SDR42E1: variants seen among roughly 807,000 people sequenced by gnomAD.
SDR42E1 encodes short-chain dehydrogenase/reductase family 42E member 1.
Under a neutral mutation model 2.6 loss-of-function variants are expected in SDR42E1, and 5 were observed. The observed-to-expected ratio is 1.94, with a 90% CI of 1.01 to 4.08. The LOEUF (loss-of-function observed/expected upper bound fraction) is 4.08, where lower values mean the gene tolerates loss of function less well. SDR42E1 is among the 30% of genes most tolerant of loss of function. The probability of loss-of-function intolerance (pLI) is 0.00; values close to 1 mark genes in which losing one functional copy is unlikely to be tolerated. For synonymous variants in SDR42E1, 231 were observed against 188.3 expected (o/e 1.23, Z -1.86); for missense variants, 596 against 478.6 (o/e 1.25, Z -2.29).
chr16:82,008,659 G>A (rs576501619), intron 1 of SDR42E1, among the ~76,000 whole-genome samples: 2 of 152,304 alleles, frequency 1.3e-5, no homozygotes, highest in South Asian at 4.1e-4. Flanking sequence ...TTTCTAAGCT[G>A]CAAAGCATTC....
rs1201142113 is a variant in SDR42E1 at position 82,008,141 on chromosome 16, G to A, written c.-27+3246C>T. Among the ~76,000 whole-genome samples the A allele has an allele frequency of 6.6e-5, 10 of 152,160 alleles. No homozygotes were observed. In the South Asian group the frequency reaches 1.0e-3, roughly 16 times the overall value. ...TCTCTTGCCAGCCACCATGTAAGAC[G>A]TGACTTTGCTCTTCCTTTGCCTTCT... On this transcript the variant is annotated intron_variant, in intron 1 of 2. Transcript: ENST00000328945.
intron 1 of SDR42E1, among the ~76,000 whole-genome samples, chr16:82,004,619 G>A (rs1472068836): frequency 6.6e-6 from 1 of 152,204 alleles, no homozygotes; most frequent in Non-Finnish European, 1.5e-5. Context: ...TCCTACCTCA[G>A]CATCCTGAGT....
Position 81,999,503 on chromosome 16 carries a change from C to A in SDR42E1, c.790G>T (p.Glu264Ter). Residue 264 changes from glutamate to a stop codon, truncating the protein, a stop_gained, in exon 3 of 3, where the codon GAG (glutamate) becomes TAG (stop). Transcript: ENST00000328945. LOFTEE classifies it low-confidence loss of function (END_TRUNC). ...CCCTCAACCAGAGGCCGGAAGAACT[C>A]AAAGTTGTTCACGGGTCTGCCATCT... ...ISDGRPVNNF[E>*]FFRPLVEGLG... 6.2e-7 allele frequency: 1 copy of A among 1,614,152 alleles called. No individual in the cohort carries two copies. Among genetic ancestry groups the A allele is most frequent in the Non-Finnish European group, 8.5e-7 (1 of 1,180,022 alleles).
At position 81,998,676 on chromosome 16, in the gene SDR42E1, G is replaced by A. The variant is rs1311058960; in HGVS notation, c.*435C>T. 2 of 173,688 alleles carry A rather than the reference G, an allele frequency of 1.2e-5. No homozygotes were observed. The highest frequency in any genetic ancestry group is 5.6e-5 in the Admixed American group (1 of 17,864). 10.8% of individuals were successfully genotyped at this position (173,688 alleles called of 1,614,324 possible). On this transcript the variant is annotated 3_prime_UTR_variant, in exon 3 of 3. Transcript: ENST00000328945. ...TCGAGGATTGCTCTGTTAGGGATCT[G>A]GGCCAATTTGGTGTTTTTCACACGC... is the stretch of plus-strand genomic sequence containing the variant.
In SDR42E1 at chr16:82,000,699, A is replaced by G. The variant is rs1015358291; in HGVS notation, c.68+92T>C. On this transcript the variant is annotated intron_variant, in intron 2 of 2. Transcript: ENST00000328945. ...TCATTTCTGGTTTGACATTACACAA[A>G]CAAGTAAAAGTCTGCTCTGCTGTCA... The G allele has an allele frequency of 8.6e-6, 8 of 933,426 alleles. No individual in the cohort carries two copies. The African/African-American group carries it at 1.0e-4, about 12-fold the overall frequency. The allele number at this position is 933,426 out of a possible 1,614,324, so 57.8% of individuals were successfully genotyped here.
chr16:82,005,003 A>G (rs1912888835), intron 1 of SDR42E1, among the ~76,000 whole-genome samples: 1 of 152,288 alleles, frequency 6.6e-6, no homozygotes, highest in South Asian at 2.1e-4. Context: ...ACAGGATGTC[A>G]GATAACAATT....
Position 81,994,853 on chromosome 16 carries a change from T to C in SDR42E1, c.*4258A>G, listed in dbSNP as rs1315523894. 1 of 152,342 alleles carries C rather than the reference T, an allele frequency of 6.6e-6. No homozygotes were observed. Among genetic ancestry groups the C allele is most frequent in the East Asian group, 1.9e-4 (1 of 5,184 alleles). 9.4% of individuals were successfully genotyped at this position (152,342 alleles called of 1,614,324 possible). ...CAACACTTGCCTCTTTTATACACCA[T>C]GTTAGATGGTTGAGGAAAATAAAAC... is the stretch of plus-strand genomic sequence containing the variant. On this transcript the variant is annotated 3_prime_UTR_variant, in exon 3 of 3. Coordinates refer to ENST00000328945, the MANE Select transcript of SDR42E1 (RefSeq NM_145168.3).
chr16:82,007,140 A>G (rs570165968), intron 1 of SDR42E1, among the ~76,000 whole-genome samples: 1 of 152,364 alleles, frequency 6.6e-6, no homozygotes, highest in African/African-American at 2.4e-5. Flanking sequence ...CAGACTGGCA[A>G]TATCTATAGG....
Position 82,000,228 on chromosome 16 carries a change from A to C in SDR42E1, c.69-4T>G. On this transcript the variant is annotated splice_polypyrimidine_tract_variant and splice_region_variant and intron_variant, in intron 2 of 2. Coordinates refer to ENST00000328945, the MANE Select transcript of SDR42E1 (RefSeq NM_145168.3). ...TTGGTTCAGGGCACAGCCCAGGCTG[A>C]AATAAGAAACAGTAAACGTTGAATC... 1 of 1,603,632 alleles carries C rather than the reference A, an allele frequency of 6.2e-7. No individual in the cohort carries two copies. The highest frequency in any genetic ancestry group is 8.5e-7 in the Non-Finnish European group (1 of 1,177,304).
At chr16:82,004,934 G>A (rs1912886932) in intron 1 of SDR42E1, among the ~76,000 whole-genome samples, 1 of 152,210 alleles carries the variant, frequency 6.6e-6, no homozygotes, top group Non-Finnish European at 1.5e-5. Context: ...GGAAGATGAT[G>A]TCATTAATTG....
Position 81,997,353 on chromosome 16 carries a change from G to A in SDR42E1, c.*1758C>T, listed in dbSNP as rs1308896809. 7 of 152,226 alleles carry A rather than the reference G, an allele frequency of 4.6e-5. No homozygotes were observed. Among genetic ancestry groups the A allele is most frequent in the Admixed American group, 2.6e-4 (4 of 15,296 alleles). 9.4% of individuals were successfully genotyped at this position (152,226 alleles called of 1,614,324 possible). On this transcript the variant is annotated 3_prime_UTR_variant, in exon 3 of 3. Transcript: ENST00000328945. ...TCGCCTTTGACCATCTCCCTCTTCT[G>A]GTATAATACGGAAATACCTTTGTGT... is the stretch of plus-strand genomic sequence containing the variant.
chr16:82,007,795 G>A (rs894836312), intron 1 of SDR42E1: 1 of 152,122 alleles, frequency 6.6e-6, no homozygotes, highest in Admixed American at 6.5e-5. Flanking sequence ...TGGAAATCTG[G>A]GCATTAGACT....
At chr16:82,005,471 C>T (rs1291799623) in intron 1 of SDR42E1, among the ~76,000 whole-genome samples, 1 of 152,230 alleles carries the variant, frequency 6.6e-6, no homozygotes, top group Non-Finnish European at 1.5e-5. Flanking sequence ...CTCCTCCCTT[C>T]CTGATCCCCA....
chr16:81,999,214 C>G lies in SDR42E1; in HGVS notation c.1079G>C (p.Gly360Ala). Residue 360 changes from glycine to alanine, a missense_variant, in exon 3 of 3, where the codon GGA becomes GCA. Gly to Ala is a moderately conservative substitution (Grantham distance 60). Coordinates refer to ENST00000328945, the MANE Select transcript of SDR42E1 (RefSeq NM_145168.3). Reference sequence around the variant, plus strand: ...AACAAAACACTCCGAGTCACGACTTCCAGAACTTCTGCCATGACCATGGGC... The same window carrying G: ...AACAAAACACTCCGAGTCACGACTTGCAGAACTTCTGCCATGACCATGGGC... ...FKAHGHGRSSGSRDSECFVWD... is the reference protein window; with the variant it reads ...FKAHGHGRSSASRDSECFVWD... The G allele has an allele frequency of 6.2e-7, 1 of 1,614,240 alleles. No individual in the cohort carries two copies. The highest frequency in any genetic ancestry group is 8.5e-7 in the Non-Finnish European group (1 of 1,180,046).
chr16:82,001,477 C>CTT (rs777676669), intron 1 of SDR42E1, among the ~76,000 whole-genome samples: 8 of 152,112 alleles, frequency 5.3e-5, no homozygotes, highest in Non-Finnish European at 1.2e-4. Flanking sequence ...TGCTCAGTGC[C>CTT]TTTGGGGATC....
intron 1 of SDR42E1, among the ~76,000 whole-genome samples, chr16:82,003,471 A>G (rs905513248): frequency 3.3e-5 from 5 of 152,186 alleles, no homozygotes; most frequent in African/African-American, 1.2e-4. Context: ...CACCTCCATG[A>G]CCTGGTCACA....
rs1421267743 is a variant in SDR42E1 at position 81,997,648 on chromosome 16, A to AT, written c.*1462dup. ...TAAAAACAATCACTACCATCACCTCATACTGATGTTGCAATTTATATTAGA... is the reference window on the plus strand; with the variant it reads ...TAAAAACAATCACTACCATCACCTCATTACTGATGTTGCAATTTATATTAGA... On this transcript the variant is annotated 3_prime_UTR_variant, in exon 3 of 3. Transcript: ENST00000328945. 2 of 152,236 alleles carry AT rather than the reference A, an allele frequency of 1.3e-5. No individual in the cohort carries two copies. The highest frequency in any genetic ancestry group is 4.8e-5 in the African/African-American group (2 of 41,466). 9.4% of individuals were successfully genotyped at this position (152,236 alleles called of 1,614,324 possible).
intron 1 of SDR42E1, among the ~76,000 whole-genome samples, chr16:82,001,594 C>G (rs1394550998): frequency 1.3e-5 from 2 of 152,008 alleles, no homozygotes; most frequent in Non-Finnish European, 2.9e-5. Flanking sequence ...TGAAGACACC[C>G]AACTCCTTCC....
rs918549698 is a variant in SDR42E1 at position 81,999,011 on chromosome 16, G to A, written c.*100C>T. The stretch of plus-strand genomic sequence containing the variant: ...CTATTCTTAAGTAGCAATTTGAAGA[G>A]CCAATGTTTGGCACCAGATATCACT... On this transcript the variant is annotated 3_prime_UTR_variant, in exon 3 of 3. Coordinates refer to ENST00000328945, the MANE Select transcript of SDR42E1 (RefSeq NM_145168.3). 2 of 1,273,516 alleles carry A rather than the reference G, an allele frequency of 1.6e-6. No homozygotes were observed. Among genetic ancestry groups the A allele is most frequent in the African/African-American group, 3.0e-5 (2 of 66,806 alleles). The allele number at this position is 1,273,516 out of a possible 1,614,324, so 78.9% of individuals were successfully genotyped here. A position where few individuals can be genotyped will look rare whatever the true frequency, so the allele number is the denominator to read the frequency against.
Sources: allele counts gnomAD v4.1 joint callset (sites outside exome capture counted in the v4.1 genomes callset), GRCh38; gene constraint gnomAD v4.1.1; transcripts MANE v1.5; gene names NCBI Gene and HGNC (gene_info 2026-07-23, HGNC 2026-07-21).